The following SPATA17 variants were observed in gnomAD, a reference collection of about 807,000 sequenced individuals.
The protein encoded by SPATA17 is spermatogenesis associated 17, also known as spermatogenesis-associated protein 17.
A neutral mutation model predicts 62.2 loss-of-function variants in SPATA17; 53 were observed. The ratio of observed to expected loss-of-function variants is 0.85; its 90% confidence interval spans 0.68 to 1.07. SPATA17 has a LOEUF of 1.07. Among genes scored for constraint, SPATA17 ranks in the 50% least tolerant of loss-of-function variants. The pLI, the probability that SPATA17 is intolerant of heterozygous loss-of-function variation, is 0.00. For synonymous variants in SPATA17, 146 were observed against 146.8 expected (o/e 0.99, Z 0.04); for missense variants, 466 against 425.5 (o/e 1.10, Z -0.84).
intron 9 of SPATA17, among the ~76,000 whole-genome samples, chr1:217,852,947 T>C (rs947991028): frequency 1.2e-4 from 19 of 152,152 alleles, no homozygotes; most frequent in African/African-American, 4.1e-4. Context: ...ACAGCACTTA[T>C]TATCATATAA....
At chr1:217,709,858 C>T (rs1671816948) in intron 5 of SPATA17, among the ~76,000 whole-genome samples, 1 of 152,180 alleles carries the variant, frequency 6.6e-6, no homozygotes, top group Admixed American at 6.5e-5. Context: ...ATATTTCAAT[C>T]TTTAATGTTG....
At position 217,868,449 on chromosome 1, in the gene SPATA17, T is replaced by G. The variant is rs2103019235; in HGVS notation, c.*1430T>G. The stretch of plus-strand genomic sequence containing the variant: ...TAATACAGCTAACTTACCAGACAGC[T>G]TAGCTTAGCCTCACCTACCTTAAAT... On this transcript the variant is annotated 3_prime_UTR_variant, in exon 11 of 11. Coordinates refer to ENST00000366933, the MANE Select transcript of SPATA17 (RefSeq NM_138796.4). The G allele has an allele frequency of 6.6e-6, 1 of 152,250 alleles. No individual in the cohort carries two copies. The highest frequency in any genetic ancestry group is 2.1e-4 in the South Asian group (1 of 4,824). 9.4% of individuals were successfully genotyped at this position (152,250 alleles called of 1,614,324 possible). A position where few individuals can be genotyped will look rare whatever the true frequency, so the allele number is the denominator to read the frequency against.
At chr1:217,847,843 G>A (rs1675562497) in intron 9 of SPATA17, among the ~76,000 whole-genome samples, 1 of 152,028 alleles carries the variant, frequency 6.6e-6, no homozygotes, top group African/African-American at 2.4e-5. Flanking sequence ...ACCAGCCTGG[G>A]CAACACAGTG....
chr1:217,769,057 T>G (rs1558042868), intron 6 of SPATA17, among the ~76,000 whole-genome samples: 2 of 152,200 alleles, frequency 1.3e-5, no homozygotes, highest in Non-Finnish European at 2.9e-5. Context: ...TCTATTTAAA[T>G]TTCTTCATTT....
chr1:217,688,057 T>G (rs1208683155), intron 5 of SPATA17, among the ~76,000 whole-genome samples: 2 of 152,108 alleles, frequency 1.3e-5, no homozygotes, highest in Non-Finnish European at 2.9e-5. Context: ...AAAATTGAAC[T>G]TACCTCTTAA....
At chr1:217,681,610 G>C (rs1416092969) in intron 4 of SPATA17, among the ~76,000 whole-genome samples, 2 of 151,990 alleles carry the variant, frequency 1.3e-5, no homozygotes, top group Non-Finnish European at 2.9e-5. Flanking sequence ...TATTGGCCAG[G>C]CTGGTCTCGA....
At chr1:217,653,536 T>C (rs528811228) in intron 3 of SPATA17, among the ~76,000 whole-genome samples, 42 of 152,128 alleles carry the variant, frequency 2.8e-4, no homozygotes, top group Non-Finnish European at 5.9e-4. Flanking sequence ...TATACTCTTC[T>C]ATATTGTTGA....
chr1:217,778,949 A>T (rs1183728105), intron 7 of SPATA17, among the ~76,000 whole-genome samples: 2 of 152,152 alleles, frequency 1.3e-5, no homozygotes, highest in African/African-American at 4.8e-5. Flanking sequence ...ATGTACACAT[A>T]TACCTATATA....
At chr1:217,828,536 C>CA (rs1170297030) in intron 9 of SPATA17, among the ~76,000 whole-genome samples, 1 of 49,398 alleles carries the variant, frequency 2.0e-5, no homozygotes, top group Non-Finnish European at 4.7e-5. Context: ...TTGAATATCA[C>CA]ACCAAAAAAA....
At chr1:217,702,726 T>C (rs539852590) in intron 5 of SPATA17, among the ~76,000 whole-genome samples, 4 of 152,200 alleles carry the variant, frequency 2.6e-5, no homozygotes, top group Non-Finnish European at 5.9e-5. Flanking sequence ...AAGGTAATCC[T>C]TTGGCATTTT....
intron 8 of SPATA17, among the ~76,000 whole-genome samples, chr1:217,800,017 TC>T (rs1486875142): frequency 1.2e-4 from 19 of 152,256 alleles, no homozygotes; most frequent in African/African-American, 4.1e-4. Context: ...ATACCGTATC[TC>T]CTTTGATTAT....
intron 3 of SPATA17, among the ~76,000 whole-genome samples, chr1:217,656,038 C>T (rs181655646): frequency 3.3e-5 from 5 of 152,024 alleles, no homozygotes; most frequent in Non-Finnish European, 7.4e-5. Context: ...CCCCACCCCC[C>T]ACGCCCGGCT....
intron 9 of SPATA17, among the ~76,000 whole-genome samples, chr1:217,835,446 G>GT (rs1434994122): frequency 6.6e-6 from 1 of 151,838 alleles, no homozygotes; most frequent in Non-Finnish European, 1.5e-5. Context: ...ATTAGCTGGC[G>GT]TATTTATCTA....
chr1:217,757,099 T>C (rs1673063467), intron 6 of SPATA17, among the ~76,000 whole-genome samples: 1 of 152,222 alleles, frequency 6.6e-6, no homozygotes, highest in Non-Finnish European at 1.5e-5. Flanking sequence ...ATATAGTTAA[T>C]GGCAAAAGTG....
At chr1:217,729,119 C>A (rs1467962635) in intron 5 of SPATA17, among the ~76,000 whole-genome samples, 2 of 152,150 alleles carry the variant, frequency 1.3e-5, no homozygotes, top group Non-Finnish European at 2.9e-5. Context: ...AGTGTCATTG[C>A]CACCACGGCC....
At chr1:217,765,004 G>A (rs1002763004) in intron 6 of SPATA17, among the ~76,000 whole-genome samples, 2 of 152,066 alleles carry the variant, frequency 1.3e-5, no homozygotes, top group Non-Finnish European at 2.9e-5. Flanking sequence ...TCACTGTTGA[G>A]ATGAAATGGA....
intron 8 of SPATA17, among the ~76,000 whole-genome samples, chr1:217,788,106 T>G (rs1673911691): frequency 6.6e-6 from 1 of 151,756 alleles, no homozygotes; most frequent in Non-Finnish European, 1.5e-5. Context: ...TGGAATGGAG[T>G]CGACAATCAT....
chr1:217,735,886 G>A (rs1028507554), intron 5 of SPATA17, among the ~76,000 whole-genome samples: 2 of 151,588 alleles, frequency 1.3e-5, no homozygotes, highest in Non-Finnish European at 2.9e-5. Context: ...AGTATACTGA[G>A]CAAATATTGA....
intron 5 of SPATA17, among the ~76,000 whole-genome samples, chr1:217,684,961 C>CA (rs1671183935): frequency 6.6e-6 from 1 of 151,976 alleles, no homozygotes; most frequent in Non-Finnish European, 1.5e-5. Flanking sequence ...GGGAAGGCTT[C>CA]AATAGGATTT....
Sources: gnomAD v4.1 joint callset for allele counts (sites outside exome capture counted in the v4.1 genomes callset) on GRCh38, gnomAD v4.1.1 for gene constraint, MANE v1.5 for transcripts, NCBI Gene and HGNC (gene_info 2026-07-23, HGNC 2026-07-21) for gene names.